The following KIF21A variants were observed in gnomAD, a reference collection of about 807,000 sequenced individuals.
The protein encoded by KIF21A is kinesin family member 21A, also known as kinesin-like protein KIF21A.
In KIF21A, 114 loss-of-function variants were observed where a neutral mutation model predicts 202.9. The observed-to-expected ratio is 0.56, with a 90% CI of 0.48 to 0.66. KIF21A has a LOEUF of 0.66. Ranked by LOEUF, KIF21A falls within the 30% of genes least tolerant of loss-of-function variation. The pLI is 0.00. For missense variants in KIF21A, 1,677 were observed against 1,994.9 expected (o/e 0.84, Z 3.04); for synonymous variants, 667 against 670.8 (o/e 0.99, Z 0.09).
At chr12:39,426,564 C>A (rs564724932) in intron 1 of KIF21A, among the ~76,000 whole-genome samples, 1 of 152,136 alleles carries the variant, frequency 6.6e-6, no homozygotes, top group East Asian at 1.9e-4. Context: ...TATTAAGAAG[C>A]ATTTACATTA....
At chr12:39,350,649 T>C (rs1948293991) in intron 11 of KIF21A, among the ~76,000 whole-genome samples, 1 of 152,042 alleles carries the variant, frequency 6.6e-6, no homozygotes, top group South Asian at 2.1e-4. Flanking sequence ...TTCTTAATGC[T>C]GCCATAATCA....
At position 39,307,512 on chromosome 12, in the gene KIF21A, T is replaced by C. The variant is rs181463908; in HGVS notation, c.4442+53A>G. 7,997 of 1,542,830 alleles carry C rather than the reference T, an allele frequency of 5.2e-3. 22 individuals are homozygous for C. The highest frequency in any genetic ancestry group is 6.3e-3 in the Non-Finnish European group (7,060 of 1,115,814). The stretch of plus-strand genomic sequence containing the variant: ...TTCACATGCACTAATGTTATTAATG[T>C]CTGAAGTTGTATTTGCCATAGGCAA... On this transcript the variant is annotated intron_variant, in intron 34 of 37. Coordinates refer to ENST00000361418, the MANE Select transcript of KIF21A (RefSeq NM_001173464.2).
chr12:39,399,868 TAGA>T (rs1252672228), intron 1 of KIF21A, among the ~76,000 whole-genome samples: 2 of 152,334 alleles, frequency 1.3e-5, no homozygotes, highest in Non-Finnish European at 2.9e-5. Context: ...ATTTATTTAC[TAGA>T]AGTTGAAGGA....
chr12:39,300,654 T>C (rs771450754), intron 37 of KIF21A, among the ~76,000 whole-genome samples: 94 of 152,138 alleles, frequency 6.2e-4, no homozygotes, highest in Admixed American at 3.0e-3. Flanking sequence ...CACTTCACAT[T>C]ATATAATACA....
intron 1 of KIF21A, among the ~76,000 whole-genome samples, chr12:39,411,631 G>T (rs531238034): frequency 6.6e-6 from 1 of 152,156 alleles, no homozygotes; most frequent in East Asian, 1.9e-4. Flanking sequence ...GGCTCAAGTG[G>T]CCCTCTTGCC....
chr12:39,318,039 T>C (rs748348860), intron 29 of KIF21A, 34 bp downstream of exon 29: 11 of 1,598,838 alleles, frequency 6.9e-6, no homozygotes, highest in Non-Finnish European at 9.4e-6. Flanking sequence ...GAATATTATA[T>C]AAATAATTGG....
intron 26 of KIF21A, 137 bp downstream of exon 26, chr12:39,325,702 A>G (rs1945831326): frequency 1.5e-6 from 1 of 662,180 alleles, no homozygotes; most frequent in Non-Finnish European, 2.6e-6. Context: ...GATTAAAAAA[A>G]CTAAATAAAG....
At chr12:39,350,602 A>G (rs1031689783) in intron 11 of KIF21A, among the ~76,000 whole-genome samples, 5 of 152,028 alleles carry the variant, frequency 3.3e-5, no homozygotes, top group Non-Finnish European at 7.4e-5. Flanking sequence ...TTCAGTTTCA[A>G]TTGCCCTCCA....
chr12:39,388,996 A>G (rs1337936044), intron 1 of KIF21A, among the ~76,000 whole-genome samples: 2 of 152,094 alleles, frequency 1.3e-5, no homozygotes, highest in Non-Finnish European at 2.9e-5. Context: ...TTAATGTAAC[A>G]CTTCTTAATA....
intron 1 of KIF21A, among the ~76,000 whole-genome samples, chr12:39,432,742 C>A (rs548555915): frequency 6.6e-5 from 10 of 152,204 alleles, no homozygotes; most frequent in African/African-American, 2.4e-4. Context: ...TCCCAAGTAG[C>A]TGGGATTACA....
intron 26 of KIF21A, among the ~76,000 whole-genome samples, chr12:39,324,174 G>C (rs1945602864): frequency 6.6e-6 from 1 of 152,016 alleles, no homozygotes; most frequent in Non-Finnish European, 1.5e-5. Flanking sequence ...GGAGTAGCAG[G>C]TAGCACTTCA....
intron 14 of KIF21A, 59 bp from the exon 15 acceptor site, chr12:39,341,153 G>C: frequency 3.1e-6 from 4 of 1,282,546 alleles, no homozygotes; most frequent in South Asian, 2.5e-5. Flanking sequence ...CAGAATTCTA[G>C]CTTTCAAGCA....
intron 1 of KIF21A, among the ~76,000 whole-genome samples, chr12:39,405,080 A>C (rs1421866160): frequency 6.6e-6 from 1 of 152,202 alleles, no homozygotes; most frequent in Non-Finnish European, 1.5e-5. Flanking sequence ...AAGGCCAGGC[A>C]CTGGCTCATG....
Position 39,442,940 on chromosome 12 carries a change from G to A in KIF21A, c.31C>T (p.Arg11Trp). The change falls in exon 1 of 38, where the codon CGG (arginine) becomes TGG (tryptophan). Residue 11 changes from arginine to tryptophan, a missense_variant. By Grantham distance (101) the Arg-to-Trp change is moderately radical. Transcript: ENST00000361418. The surrounding 1 kb of genome is among the most constrained non-coding windows in gnomAD (Gnocchi z 5.0). MLGAPDESSV[R>W]VAVRIRPQLA... ...GACTGTCCTCACCTGACAGCCACCC[G>A]CACGGAGCTCTCGTCCGGGGCGCCC... 1 of 1,524,128 alleles carries A rather than the reference G, an allele frequency of 6.6e-7. No homozygotes were observed. Among genetic ancestry groups the A allele is most frequent in the Middle Eastern group, 2.1e-4 (1 of 4,784 alleles). 94.4% of individuals were successfully genotyped at this position (1,524,128 alleles called of 1,614,324 possible).
At chr12:39,325,488 C>T (rs1252542656) in intron 26 of KIF21A, among the ~76,000 whole-genome samples, 2 of 143,338 alleles carry the variant, frequency 1.4e-5, no homozygotes, top group Middle Eastern at 3.5e-3. Context: ...CCTACCACCA[C>T]GCCCAGCTAA....
At chr12:39,343,417 CAAAT>C (rs756751983) in intron 12 of KIF21A, among the ~76,000 whole-genome samples, 70 of 151,502 alleles carry the variant, frequency 4.6e-4, no homozygotes, top group Non-Finnish European at 7.4e-5. Context: ...ATAGAATACT[CAAAT>C]AATGCAATAT....
chr12:39,368,071 TTGTC>T (rs745501171), intron 3 of KIF21A, 39 bp from the exon 4 acceptor site: 5 of 1,330,104 alleles, frequency 3.8e-6, no homozygotes, highest in South Asian at 2.4e-5. Context: ...TTAGCAGAAA[TTGTC>T]TGGGTAGTTG....
intron 19 of KIF21A, 23 bp downstream of exon 19, chr12:39,332,870 A>C: frequency 1.9e-6 from 3 of 1,611,838 alleles, no homozygotes; most frequent in Non-Finnish European, 2.5e-6. Flanking sequence ...AGATTACATC[A>C]GCAGGAACAG....
intron 1 of KIF21A, among the ~76,000 whole-genome samples, chr12:39,420,480 A>G (rs891776698): frequency 3.3e-5 from 5 of 152,118 alleles, no homozygotes; most frequent in Admixed American, 2.0e-4. Flanking sequence ...GAAGAACACT[A>G]AGTTTAAAAA....
Sources: allele counts gnomAD v4.1 joint callset (sites outside exome capture counted in the v4.1 genomes callset), GRCh38; gene constraint gnomAD v4.1.1; non-coding constraint Gnocchi (gnomAD v3.1); transcripts MANE v1.5; gene names NCBI Gene and HGNC (gene_info 2026-07-23, HGNC 2026-07-21).